SFMBT2: variants seen among roughly 807,000 people sequenced by gnomAD.
The protein encoded by SFMBT2 is Scm like with four mbt domains 2.
SFMBT2 carries 38 observed loss-of-function variants against 110.1 expected under a neutral mutation model. The observed-to-expected ratio is 0.35, with a 90% CI of 0.27 to 0.45. The LOEUF (loss-of-function observed/expected upper bound fraction) is 0.45, where lower values mean the gene tolerates loss of function less well. Among genes scored for constraint, SFMBT2 ranks in the 20% least tolerant of loss-of-function variants. The probability of loss-of-function intolerance (pLI) is 1.00; values close to 1 mark genes in which losing one functional copy is unlikely to be tolerated. For synonymous variants in SFMBT2, 425 were observed against 425.4 expected, an observed-to-expected ratio of 1.00 and a Z score of 0.01; for missense variants, 1,011 against 1,094.9, an observed-to-expected ratio of 0.92 and a Z score of 1.08.
chr10:7,315,058 A>AAGAAAGAAAGAAAGAAAGAG lies in SFMBT2; in HGVS notation c.437-29105_437-29104insCTCTTTCTTTCTTTCTTTCT, dbSNP rs1564435462. Among the ~76,000 whole-genome samples, 8 of 136,046 alleles carry AAGAAAGAAAGAAAGAAAGAG rather than the reference A, an allele frequency of 5.9e-5. 1 individual carries two copies. Among genetic ancestry groups the AAGAAAGAAAGAAAGAAAGAG allele is most frequent in the African/African-American group, 2.2e-4 (8 of 37,006 alleles). The allele number at this position is 136,046 out of a possible 152,430, so 89.3% of individuals were successfully genotyped here. A position where few individuals can be genotyped will look rare whatever the true frequency, so the allele number is the denominator to read the frequency against. ...AGAAAGAGAAAGAAAGAAAGAAAGA[A>AAGAAAGAAAGAAAGAAAGAG]AGAAAGAAAGAAAGAAAGAAAGAAA... On this transcript the variant is annotated intron_variant, in intron 4 of 20. Transcript: ENST00000397167.
At chr10:7,266,070 GA>G (rs1286494253) in intron 7 of SFMBT2, among the ~76,000 whole-genome samples, 2 of 151,890 alleles carry the variant, frequency 1.3e-5, no homozygotes, top group African/African-American at 4.8e-5. Flanking sequence ...GGAGATAGTG[GA>G]ACAGAGTGCG....
chr10:7,183,385 A>G (rs1443893703), intron 16 of SFMBT2, among the ~76,000 whole-genome samples: 1 of 152,188 alleles, frequency 6.6e-6, no homozygotes, highest in African/African-American at 2.4e-5. Flanking sequence ...GCACACTTTG[A>G]GACAGTAAAG....
chr10:7,360,144 T>C (rs1844667279), intron 4 of SFMBT2, among the ~76,000 whole-genome samples: 1 of 152,180 alleles, frequency 6.6e-6, no homozygotes, highest in Admixed American at 6.6e-5. Context: ...AAATTCGTGA[T>C]TCATTCATTC....
At chr10:7,220,633 C>T in intron 10 of SFMBT2, 96 bp from the exon 11 acceptor site, 1 of 1,254,736 alleles carries the variant, frequency 8.0e-7, no homozygotes, top group South Asian at 1.3e-5. Context: ...GCACACGCAT[C>T]TTACATCGAC....
rs140905473 is a variant in SFMBT2, at chr10:7,193,895, T to G, written c.1698+3653A>C. 1.6e-4 allele frequency among the ~76,000 whole-genome samples: 25 copies of G among 152,326 alleles called. 1 individual carries two copies. The East Asian group carries it at 4.8e-3, about 29-fold the overall frequency. On this transcript the variant is annotated intron_variant, in intron 15 of 20. Transcript: ENST00000397167. ...TCCTGATATGACATAGATCATGGTT[T>G]ATCTCTCTTTTGGGGACCCTGGTAC...
intron 4 of SFMBT2, among the ~76,000 whole-genome samples, chr10:7,322,035 CG>C (rs1843206470): frequency 6.6e-6 from 1 of 152,156 alleles, no homozygotes; most frequent in Admixed American, 6.5e-5. Context: ...TTTCACATCA[CG>C]GTACATGATA....
chr10:7,176,006 A>G lies in SFMBT2; in HGVS notation c.1968T>C (p.His656=), dbSNP rs758157618. ...TGTACTTACTGTATTTGGTTTTGGT[A>G]TGAATGGAGCAGTTCTCTGGGCAGT... ...SENCPENCSI[H]TKTKYTYYYG... The change falls in exon 17 of 21, where the codon CAT becomes CAC. Residue 656 remains histidine, a synonymous_variant. Transcript: ENST00000397167. 1 of 1,613,834 alleles carries G rather than the reference A, an allele frequency of 6.2e-7. No homozygotes were observed. The highest frequency in any genetic ancestry group is 8.5e-7 in the Non-Finnish European group (1 of 1,179,752).
At chr10:7,352,322 T>TCC (rs1455575546) in intron 4 of SFMBT2, among the ~76,000 whole-genome samples, 2 of 152,150 alleles carry the variant, frequency 1.3e-5, no homozygotes, top group Non-Finnish European at 2.9e-5. Flanking sequence ...TCTAAAAATG[T>TCC]ATAGCATAAA....
rs141086007 is a variant in SFMBT2, at chr10:7,244,135, C to T, written c.973-430G>A. ...CAGATCACTCAAGAATCTCCAAGAT[C>T]TGGCTTGGAGCTTTCTAGCCTCCTC... On this transcript the variant is annotated intron_variant, in intron 8 of 20. Coordinates refer to ENST00000397167, the MANE Select transcript of SFMBT2 (RefSeq NM_001387889.1). 22 of 381,380 alleles carry T rather than the reference C, an allele frequency of 5.8e-5. No homozygotes were observed. The East Asian group carries it at 2.4e-3, about 42-fold the overall frequency. 23.6% of individuals were successfully genotyped at this position (381,380 alleles called of 1,614,324 possible). A position where few individuals can be genotyped will look rare whatever the true frequency, so the allele number is the denominator to read the frequency against.
intron 9 of SFMBT2, among the ~76,000 whole-genome samples, chr10:7,237,628 C>T (rs891363407): frequency 2.0e-5 from 3 of 152,088 alleles, no homozygotes; most frequent in East Asian, 1.9e-4. Context: ...CATTCAACCT[C>T]AACAAATACC....
At chr10:7,285,768 G>T in intron 5 of SFMBT2, 98 bp downstream of exon 5, 3 of 731,960 alleles carry the variant, frequency 4.1e-6, no homozygotes, top group Non-Finnish European at 7.7e-6. Context: ...CAGAAAGCAC[G>T]CATCTGCTGA....
intron 4 of SFMBT2, among the ~76,000 whole-genome samples, chr10:7,366,446 A>C (rs1000282003): frequency 6.6e-6 from 1 of 151,974 alleles, no homozygotes; most frequent in Non-Finnish European, 1.5e-5. Flanking sequence ...AAAAAAAAAA[A>C]AAGATAGAGC....
chr10:7,367,671 G>A lies in SFMBT2; in HGVS notation c.414C>T (p.Asn138=), dbSNP rs1042208676. ...LHPVGWCTQN[N]KVLMPPDAIK... ...CACCGTCCGGCGGCATCAACACCTT[G>A]TTGTTCTGTGTGCACCACCCCACGG... The change falls in exon 4 of 21, where the codon AAC becomes AAT. Residue 138 remains asparagine (N), a synonymous_variant. Transcript: ENST00000397167. The surrounding 1 kb of genome is among the most constrained non-coding windows in gnomAD (Gnocchi z 6.2). 1 of 1,612,974 alleles carries A rather than the reference G, an allele frequency of 6.2e-7. No homozygotes were observed. Among genetic ancestry groups the A allele is most frequent in the African/African-American group, 1.3e-5 (1 of 74,922 alleles).
At chr10:7,271,689 C>T (rs777993555) in intron 7 of SFMBT2, among the ~76,000 whole-genome samples, 8 of 152,070 alleles carry the variant, frequency 5.3e-5, no homozygotes, top group East Asian at 1.9e-4. Context: ...AAGATGTACC[C>T]GAGACTGGGC....
chr10:7,315,070 A>AAGAGAGAGAGAGAGAGAG (rs1417706082), intron 4 of SFMBT2, among the ~76,000 whole-genome samples: 1 of 143,136 alleles, frequency 7.0e-6, no homozygotes, highest in African/African-American at 2.6e-5. Flanking sequence ...GAAAGAAAGA[A>AAGAGAGAGAGAGAGAGAG]AGAAAGAAAG....
At chr10:7,218,073 C>G (rs1839601345) in intron 11 of SFMBT2, among the ~76,000 whole-genome samples, 1 of 152,160 alleles carries the variant, frequency 6.6e-6, no homozygotes. Flanking sequence ...TAAAAGTGGT[C>G]AGTCTAGTGT....
chr10:7,236,011 A>G (rs2131698103), intron 9 of SFMBT2, among the ~76,000 whole-genome samples: 1 of 152,300 alleles, frequency 6.6e-6, no homozygotes, highest in South Asian at 2.1e-4. Flanking sequence ...AAGTATCACA[A>G]AAGTCATATC....
At chr10:7,283,509 G>A (rs1244412355) in intron 6 of SFMBT2, among the ~76,000 whole-genome samples, 2 of 152,206 alleles carry the variant, frequency 1.3e-5, no homozygotes, top group Non-Finnish European at 2.9e-5. Flanking sequence ...TGAGTAGGTG[G>A]ATGGATTGGT....
At chr10:7,350,099 C>T (rs748992173) in intron 4 of SFMBT2, among the ~76,000 whole-genome samples, 3 of 152,168 alleles carry the variant, frequency 2.0e-5, no homozygotes, top group Non-Finnish European at 2.9e-5. Context: ...TTCTTCCCAT[C>T]GTGTTCGTGG....
Sources: gnomAD v4.1 joint callset for allele counts (sites outside exome capture counted in the v4.1 genomes callset) on GRCh38, gnomAD v4.1.1 for gene constraint, Gnocchi (gnomAD v3.1) non-coding constraint, MANE v1.5 for transcripts, NCBI Gene and HGNC (gene_info 2026-07-23, HGNC 2026-07-21) for gene names.